Variants in FARS2 observed in about 807,000 individuals in gnomAD.
FARS2 encodes the protein phenylalanine--tRNA ligase, mitochondrial.
A neutral mutation model predicts 46.4 loss-of-function variants in FARS2; 40 were observed. That is an observed-to-expected ratio of 0.86 (90% CI 0.67 to 1.12). FARS2 has a LOEUF of 1.12. Among genes scored for constraint, FARS2 ranks in the 50% most tolerant of loss-of-function variants. FARS2 has a pLI of 0.00. For synonymous variants in FARS2, 234 were observed against 214.9 expected (o/e 1.09, Z -0.78); for missense variants, 513 against 567.9 (o/e 0.90, Z 0.98).
At chr6:5,537,539 CTCCTCTCGAGTTGGAGATGTCCCGGGCT>C (rs1396230155) in intron 4 of FARS2, among the ~76,000 whole-genome samples, 2,929 of 124,392 alleles carry the variant, frequency 0.024, 334 homozygotes, top group Middle Eastern at 0.091. Context: ...TGTCCCGGGC[CTCCTCTCGAGTTGGAGATGTCCCGGGCT>C]TCCTCTCGAG....
intron 1 of FARS2, among the ~76,000 whole-genome samples, chr6:5,296,213 C>T (rs1050155974): frequency 9.2e-5 from 12 of 130,522 alleles, no homozygotes; most frequent in Non-Finnish European, 9.2e-5. Flanking sequence ...GGGATCTCAG[C>T]TCACTGCAAG....
intron 4 of FARS2, among the ~76,000 whole-genome samples, chr6:5,519,371 G>T (rs1262477126): frequency 6.6e-6 from 1 of 152,172 alleles, no homozygotes; most frequent in Middle Eastern, 3.2e-3. Flanking sequence ...GAGTAAATGA[G>T]AGTTGAGGAA....
intron 1 of FARS2, among the ~76,000 whole-genome samples, chr6:5,368,246 A>G (rs1758804877): frequency 6.6e-6 from 1 of 152,196 alleles, no homozygotes; most frequent in African/African-American, 2.4e-5. Context: ...TTTTTTCCAC[A>G]TCACGAGTTC....
At chr6:5,330,389 G>A (rs1770717589) in intron 1 of FARS2, among the ~76,000 whole-genome samples, 1 of 152,048 alleles carries the variant, frequency 6.6e-6, no homozygotes, top group African/African-American at 2.4e-5. Flanking sequence ...CTTCTGTGCT[G>A]GTGACATCAT....
intron 1 of FARS2, among the ~76,000 whole-genome samples, chr6:5,302,820 C>T (rs541917574): frequency 6.6e-6 from 1 of 152,050 alleles, no homozygotes; most frequent in African/African-American, 2.4e-5. Context: ...CCAGAAGGCA[C>T]GCTGAGTTCA....
At chr6:5,489,314 C>T (rs957928638) in intron 4 of FARS2, among the ~76,000 whole-genome samples, 11 of 151,716 alleles carry the variant, frequency 7.3e-5, no homozygotes, top group East Asian at 1.9e-4. Context: ...AATAGCCAGG[C>T]GTGATGGTGC....
At chr6:5,557,911 A>G (rs1771757779) in intron 5 of FARS2, among the ~76,000 whole-genome samples, 1 of 152,116 alleles carries the variant, frequency 6.6e-6, no homozygotes, top group South Asian at 2.1e-4. Flanking sequence ...GAGTATAGAA[A>G]TCAGGGTCAT....
intron 4 of FARS2, among the ~76,000 whole-genome samples, chr6:5,475,072 G>A (rs1333246261): frequency 1.3e-5 from 2 of 152,180 alleles, no homozygotes; most frequent in African/African-American, 4.8e-5. Flanking sequence ...ATACAAGGTG[G>A]AAATTGACAA....
intron 4 of FARS2, among the ~76,000 whole-genome samples, chr6:5,475,439 T>C (rs913720169): frequency 1.3e-5 from 2 of 152,196 alleles, no homozygotes; most frequent in African/African-American, 4.8e-5. Flanking sequence ...CTTCCTTTTA[T>C]AGTCAGTGAG....
At chr6:5,710,681 A>G in intron 6 of FARS2, among the ~76,000 whole-genome samples, 1 of 152,224 alleles carries the variant, frequency 6.6e-6, no homozygotes, top group African/African-American at 2.4e-5. Flanking sequence ...TTCTCAAGGC[A>G]GAGTGCCAGA....
In FARS2 at chr6:5,661,576, G is replaced by A. The variant is rs150317770; in HGVS notation, c.1217+48256G>A. ...TGTGTGAGTGCTGGAAGCCAGGGTA[G>A]TAGGTTTCAAGATGGCAGGAGTAGC... On this transcript the variant is annotated intron_variant, in intron 6 of 6. Coordinates refer to ENST00000274680, the MANE Select transcript of FARS2 (RefSeq NM_006567.5). Among the ~76,000 whole-genome samples the A allele has an allele frequency of 5.4e-3, 828 of 152,282 alleles. 6 individuals carry two copies. The highest frequency in any genetic ancestry group is 0.019 in the African/African-American group (791 of 41,560).
intron 1 of FARS2, among the ~76,000 whole-genome samples, chr6:5,304,029 C>T (rs1231879708): frequency 6.6e-6 from 1 of 152,116 alleles, no homozygotes; most frequent in African/African-American, 2.4e-5. Context: ...TAGCAGGCTG[C>T]ATGGTCTGGT....
At chr6:5,456,316 C>T (rs928052747) in intron 4 of FARS2, among the ~76,000 whole-genome samples, 1 of 152,192 alleles carries the variant, frequency 6.6e-6, no homozygotes, top group Non-Finnish European at 1.5e-5. Context: ...ACAAACAAAG[C>T]CGTGTTCTTG....
intron 1 of FARS2, chr6:5,291,201 T>C (rs1767480712): frequency 6.6e-6 from 1 of 152,256 alleles, no homozygotes; most frequent in Non-Finnish European, 1.5e-5. Context: ...AATAAGTTCC[T>C]AGTCATTTTG....
chr6:5,403,503 C>CTTTATTTTTTATT (rs1230812125), intron 2 of FARS2, among the ~76,000 whole-genome samples: 2 of 152,092 alleles, frequency 1.3e-5, no homozygotes, highest in Non-Finnish European at 2.9e-5. Context: ...TTTGTGCTTA[C>CTTTATTTTTTATT]TTTATTTTTT....
intron 4 of FARS2, among the ~76,000 whole-genome samples, chr6:5,529,505 A>T (rs2150450157): frequency 6.6e-6 from 1 of 152,188 alleles, no homozygotes; most frequent in South Asian, 2.1e-4. Context: ...ACGGGGTTTT[A>T]CCATGTTGGC....
intron 1 of FARS2, among the ~76,000 whole-genome samples, chr6:5,337,435 C>T (rs1410389020): frequency 1.3e-5 from 2 of 152,042 alleles, no homozygotes; most frequent in Admixed American, 1.3e-4. Context: ...TTGGGTAGAG[C>T]GGCATTTTAT....
At chr6:5,633,986 A>G (rs1395582518) in intron 6 of FARS2, among the ~76,000 whole-genome samples, 1 of 152,110 alleles carries the variant, frequency 6.6e-6, no homozygotes, top group Admixed American at 6.5e-5. Flanking sequence ...GTGGGGCATA[A>G]ATTTATTTTA....
chr6:5,504,310 A>G lies in FARS2; in HGVS notation c.905-40870A>G, dbSNP rs567062312. Among the ~76,000 whole-genome samples, 3 of 152,262 alleles carry G rather than the reference A, an allele frequency of 2.0e-5. No individual in the cohort carries two copies. The South Asian group carries it at 6.2e-4, about 32-fold the overall frequency. ...ATTTGGTCAGATATTCAAAAGAATC[A>G]TAAAGAGAGACAATTAATATGAGAG... On this transcript the variant is annotated intron_variant, in intron 4 of 6. Transcript: ENST00000274680.
Sources: allele counts gnomAD v4.1 joint callset (sites outside exome capture counted in the v4.1 genomes callset), GRCh38; gene constraint gnomAD v4.1.1; transcripts MANE v1.5; gene names NCBI Gene and HGNC (gene_info 2026-07-23, HGNC 2026-07-21).